PCDH9: variants seen among roughly 807,000 people sequenced by gnomAD.
PCDH9 encodes the protein protocadherin-9.
Under a neutral mutation model 70.6 loss-of-function variants are expected in PCDH9, and 24 were observed. That is an observed-to-expected ratio of 0.34 (90% CI 0.25 to 0.48). PCDH9 has a LOEUF of 0.48. Among genes scored for constraint, PCDH9 ranks in the 20% least tolerant of loss-of-function variants. The pLI is 0.99. For missense variants in PCDH9, 1,281 were observed against 1,503.6 expected, an observed-to-expected ratio of 0.85 and a Z score of 2.45; for synonymous variants, 562 against 558.5, an observed-to-expected ratio of 1.01 and a Z score of -0.09.
At chr13:66,622,666 G>A (rs1267277870) in intron 4 of PCDH9, among the ~76,000 whole-genome samples, 1 of 152,156 alleles carries the variant, frequency 6.6e-6, no homozygotes, top group South Asian at 2.1e-4. Context: ...GTAGCTCAGG[G>A]ATTGTAAACG....
chr13:66,667,426 T>C (rs1388431751), intron 3 of PCDH9, among the ~76,000 whole-genome samples: 1 of 152,206 alleles, frequency 6.6e-6, no homozygotes, highest in Admixed American at 6.5e-5. Flanking sequence ...TAAAATTTTA[T>C]TTCCTTATTT....
At chr13:66,884,978 G>T (rs910788179) in intron 3 of PCDH9, among the ~76,000 whole-genome samples, 4 of 152,146 alleles carry the variant, frequency 2.6e-5, no homozygotes. Context: ...ATTCATATCA[G>T]CAATAAAATT....
At chr13:66,511,466 T>C (rs74462899) in intron 4 of PCDH9, among the ~76,000 whole-genome samples, 2,384 of 152,104 alleles carry the variant, frequency 0.016, 53 homozygotes, top group African/African-American at 0.053. Flanking sequence ...AGCACTTACA[T>C]AGTCCCTGGA....
intron 4 of PCDH9, among the ~76,000 whole-genome samples, chr13:66,596,035 A>C (rs2077098576): frequency 2.0e-5 from 3 of 151,726 alleles, no homozygotes; most frequent in African/African-American, 7.2e-5. Context: ...TTAATCAATA[A>C]GATCATTTAA....
At chr13:66,659,024 T>C (rs1024338056) in intron 3 of PCDH9, among the ~76,000 whole-genome samples, 4 of 152,158 alleles carry the variant, frequency 2.6e-5, no homozygotes, top group African/African-American at 9.7e-5. Context: ...AATCCCTTGC[T>C]TATTTGCATA....
chr13:66,664,666 A>G lies in PCDH9; in HGVS notation c.3139-33255T>C, dbSNP rs1362474333. ...ACGTGACTTATTTCTCCTTTAAACT[A>G]TGATATATATTCTCCATGGACAATA... On this transcript the variant is annotated intron_variant, in intron 3 of 4. Transcript: ENST00000377865. Among the ~76,000 whole-genome samples the G allele has an allele frequency of 3.3e-5, 5 of 152,196 alleles. No individual in the cohort carries two copies. The East Asian group carries it at 7.7e-4, about 23-fold the overall frequency.
intron 2 of PCDH9, among the ~76,000 whole-genome samples, chr13:66,964,223 T>C (rs1367535015): frequency 1.3e-5 from 2 of 152,102 alleles, no homozygotes; most frequent in Admixed American, 6.6e-5. Context: ...CATAATGCTG[T>C]CTAATGCATA....
intron 3 of PCDH9, among the ~76,000 whole-genome samples, chr13:66,798,470 G>A (rs2080279006): frequency 6.6e-6 from 1 of 152,030 alleles, no homozygotes; most frequent in African/African-American, 2.4e-5. Context: ...AGAGATAAGT[G>A]GTTCACCTTT....
intron 4 of PCDH9, among the ~76,000 whole-genome samples, chr13:66,440,310 C>G (rs1409694958): frequency 2.0e-5 from 3 of 152,038 alleles, no homozygotes; most frequent in African/African-American, 7.2e-5. Flanking sequence ...TTTGAAGTCA[C>G]TGCTACTTTT....
chr13:67,152,355 G>A (rs906943242), intron 2 of PCDH9, among the ~76,000 whole-genome samples: 1 of 152,170 alleles, frequency 6.6e-6, no homozygotes, highest in South Asian at 2.1e-4. Flanking sequence ...ACAGCTCAGA[G>A]TAAAAAGCAT....
intron 4 of PCDH9, among the ~76,000 whole-genome samples, chr13:66,363,052 G>T (rs181505496): frequency 6.6e-6 from 1 of 152,014 alleles, no homozygotes; most frequent in East Asian, 1.9e-4. Flanking sequence ...GGTGGCACAC[G>T]CCTGTAATCT....
intron 3 of PCDH9, among the ~76,000 whole-genome samples, chr13:66,873,924 T>C (rs2081745869): frequency 7.0e-6 from 1 of 142,882 alleles, no homozygotes; most frequent in African/African-American, 2.6e-5. Context: ...GTTTCTTTTT[T>C]TTTTTTTCTT....
chr13:66,318,183 G>T (rs1285627163), intron 4 of PCDH9, among the ~76,000 whole-genome samples: 1 of 152,032 alleles, frequency 6.6e-6, no homozygotes, highest in Admixed American at 6.6e-5. Context: ...CATTAATATG[G>T]TTTCTTGAAA....
In PCDH9 at chr13:66,937,249, G is replaced by A. The variant is rs2082931668; in HGVS notation, c.3037-33644C>T. On this transcript the variant is annotated intron_variant, in intron 2 of 4. Transcript: ENST00000377865. ...ATTGGTTTTATTAACCTATGATTTA[G>A]GTAACAACTTTCAGTCTCAGTAATG... 6.6e-5 allele frequency among the ~76,000 whole-genome samples: 10 copies of A among 152,246 alleles called. No individual in the cohort carries two copies. In the South Asian group the frequency reaches 2.1e-3, roughly 32 times the overall value.
In PCDH9 at chr13:66,801,105, T is replaced by G. The variant is rs75673021; in HGVS notation, c.3138+102399A>C. Among the ~76,000 whole-genome samples the G allele has an allele frequency of 2.1e-4, 32 of 151,632 alleles. No homozygotes were observed. In the East Asian group the frequency reaches 6.0e-3, roughly 29 times the overall value. On this transcript the variant is annotated intron_variant, in intron 3 of 4. Coordinates refer to ENST00000377865, the MANE Select transcript of PCDH9 (RefSeq NM_203487.3). ...GAGGAGGGGGATGTAGGTCTGTATA[T>G]ATCCTCAGAACGTCACACATTGCCT...
chr13:67,224,763 C>T, intron 2 of PCDH9: 1 of 822,236 alleles, frequency 1.2e-6, no homozygotes, highest in Non-Finnish European at 1.5e-6. Context: ...AGTATTTGGC[C>T]ACTGCGGACA....
intron 2 of PCDH9, among the ~76,000 whole-genome samples, chr13:67,059,548 G>T (rs917661051): frequency 2.0e-5 from 3 of 151,200 alleles, no homozygotes; most frequent in African/African-American, 7.3e-5. Context: ...AGCAGTGACC[G>T]GGATTATACA....
chr13:67,065,837 T>C (rs541322226), intron 2 of PCDH9, among the ~76,000 whole-genome samples: 2 of 152,224 alleles, frequency 1.3e-5, no homozygotes, highest in Admixed American at 1.3e-4. Context: ...TCTAAGAAAG[T>C]TAAGACTATG....
intron 4 of PCDH9, among the ~76,000 whole-genome samples, chr13:66,542,949 A>T (rs2138661827): frequency 6.6e-6 from 1 of 151,618 alleles, no homozygotes; most frequent in South Asian, 2.1e-4. Flanking sequence ...TTCAATATTT[A>T]TAACTTTCAA....
Sources: gnomAD v4.1 joint callset for allele counts (sites outside exome capture counted in the v4.1 genomes callset) on GRCh38, gnomAD v4.1.1 for gene constraint, MANE v1.5 for transcripts, NCBI Gene and HGNC (gene_info 2026-07-23, HGNC 2026-07-21) for gene names.